AGBL1: variants seen among roughly 807,000 people sequenced by gnomAD.
The protein encoded by AGBL1 is cytosolic carboxypeptidase 4.
In AGBL1, 130 loss-of-function variants were observed where a neutral mutation model predicts 118.9. That is an observed-to-expected ratio of 1.09 (90% CI 0.95 to 1.26). The LOEUF (loss-of-function observed/expected upper bound fraction) is 1.26, where lower values mean the gene tolerates loss of function less well. Among genes scored for constraint, AGBL1 ranks in the 50% most tolerant of loss-of-function variants. The pLI, the probability that AGBL1 is intolerant of heterozygous loss-of-function variation, is 0.00. For missense variants in AGBL1, 1,584 were observed against 1,298.1 expected, an observed-to-expected ratio of 1.22 and a Z score of -3.38; for synonymous variants, 555 against 478.9, an observed-to-expected ratio of 1.16 and a Z score of -2.08.
chr15:86,818,250 C>A (rs1325309879), intron 22 of AGBL1, among the ~76,000 whole-genome samples: 1 of 152,146 alleles, frequency 6.6e-6, no homozygotes, highest in African/African-American at 2.4e-5. Flanking sequence ...TTTGTTACGG[C>A]AGCTCTAGAG....
intron 18 of AGBL1, among the ~76,000 whole-genome samples, chr15:86,441,306 A>G (rs1157330696): frequency 6.6e-6 from 1 of 152,148 alleles, no homozygotes; most frequent in Non-Finnish European, 1.5e-5. Flanking sequence ...TTTAAAAAAA[A>G]TATTGACCTA....
At chr15:86,892,787 C>T (rs35968969) in intron 22 of AGBL1, among the ~76,000 whole-genome samples, 1 of 152,216 alleles carries the variant, frequency 6.6e-6, no homozygotes, top group East Asian at 1.9e-4. Context: ...TATGTCCTTC[C>T]TCTTAAATGT....
At chr15:86,576,909 G>C (rs565094868) in intron 21 of AGBL1, among the ~76,000 whole-genome samples, 1 of 152,154 alleles carries the variant, frequency 6.6e-6, no homozygotes, top group African/African-American at 2.4e-5. Flanking sequence ...TGTGGTAACC[G>C]TAAGTCCAAT....
chr15:86,972,982 G>C (rs536473219), intron 23 of AGBL1, among the ~76,000 whole-genome samples: 1 of 151,858 alleles, frequency 6.6e-6, no homozygotes, highest in African/African-American at 2.4e-5. Context: ...CGGTGGTTAA[G>C]AACAAAGAAT....
chr15:86,586,960 G>C (rs1236631581), intron 21 of AGBL1, among the ~76,000 whole-genome samples: 1 of 152,068 alleles, frequency 6.6e-6, no homozygotes, highest in East Asian at 1.9e-4. Flanking sequence ...GAGCTTTAAG[G>C]GTTTGTGAGG....
chr15:86,331,427 G>C (rs2080267140), intron 17 of AGBL1, among the ~76,000 whole-genome samples: 1 of 151,916 alleles, frequency 6.6e-6, no homozygotes, highest in African/African-American at 2.4e-5. Flanking sequence ...AGAGAGGTAA[G>C]CCTCCAGATA....
In AGBL1 at chr15:86,824,763, G is replaced by A. The variant is rs569761434; in HGVS notation, c.3159-82324G>A. On this transcript the variant is annotated intron_variant, in intron 22 of 22. Transcript: ENST00000614907. The stretch of plus-strand genomic sequence containing the variant: ...ATATAGATCAATAGAACAGAAAAGA[G>A]AATTCAGAACTAGGTCTGGTATGGT... Among the ~76,000 whole-genome samples, 25 of 152,126 alleles carry A rather than the reference G, an allele frequency of 1.6e-4. 1 individual carries two copies. The South Asian group carries it at 5.2e-3, about 32-fold the overall frequency.
chr15:86,394,058 T>A (rs993030055), intron 17 of AGBL1, among the ~76,000 whole-genome samples: 7 of 152,182 alleles, frequency 4.6e-5, no homozygotes, highest in African/African-American at 1.7e-4. Flanking sequence ...TTCAGTTGTT[T>A]ATAAGCCACA....
At chr15:86,700,437 G>A (rs1176935088) in intron 22 of AGBL1, among the ~76,000 whole-genome samples, 3 of 149,482 alleles carry the variant, frequency 2.0e-5, no homozygotes, top group Admixed American at 6.7e-5. Flanking sequence ...AGATGTAGGT[G>A]TTGTTCATGT....
chr15:86,730,618 C>G (rs998834426), intron 22 of AGBL1, among the ~76,000 whole-genome samples: 4 of 152,028 alleles, frequency 2.6e-5, no homozygotes, highest in African/African-American at 9.7e-5. Context: ...TTCCTGGTAG[C>G]CTTGACTATG....
intron 21 of AGBL1, among the ~76,000 whole-genome samples, chr15:86,596,388 G>A (rs1175859684): frequency 6.6e-6 from 1 of 152,092 alleles, no homozygotes; most frequent in African/African-American, 2.4e-5. Flanking sequence ...CCATTCAGAA[G>A]GCTCTTATGT....
intron 18 of AGBL1, among the ~76,000 whole-genome samples, chr15:86,454,545 C>T (rs1353833871): frequency 2.0e-5 from 3 of 152,002 alleles, no homozygotes; most frequent in Non-Finnish European, 4.4e-5. Context: ...CAAATCCATG[C>T]AATGAAATAC....
intron 1 of AGBL1, among the ~76,000 whole-genome samples, chr15:86,107,079 A>G (rs1477808506): frequency 6.6e-6 from 1 of 152,184 alleles, no homozygotes; most frequent in Non-Finnish European, 1.5e-5. Flanking sequence ...AACAGAACAT[A>G]CTGTGGGAAA....
chr15:86,690,759 T>G (rs558101050), intron 22 of AGBL1, among the ~76,000 whole-genome samples: 9 of 152,092 alleles, frequency 5.9e-5, no homozygotes, highest in Non-Finnish European at 1.2e-4. Context: ...AATTTCTGTT[T>G]GGTTGGGTGG....
intron 22 of AGBL1, among the ~76,000 whole-genome samples, chr15:86,856,998 A>C (rs913674886): frequency 1.3e-5 from 2 of 152,136 alleles, no homozygotes; most frequent in Non-Finnish European, 2.9e-5. Context: ...CAGTGGTCCT[A>C]CGTCCCAGCT....
At chr15:86,654,799 G>C (rs1183313966) in intron 21 of AGBL1, among the ~76,000 whole-genome samples, 1 of 152,052 alleles carries the variant, frequency 6.6e-6, no homozygotes, top group East Asian at 1.9e-4. Flanking sequence ...GCCAGCCATG[G>C]AGAAACAAAG....
chr15:86,979,254 A>G (rs1345388199), intron 23 of AGBL1, among the ~76,000 whole-genome samples: 2 of 152,196 alleles, frequency 1.3e-5, no homozygotes, highest in African/African-American at 2.4e-5. Flanking sequence ...CATTATGACA[A>G]TTTGGGAAAT....
At chr15:86,127,164 G>A (rs2076758096) in intron 1 of AGBL1, among the ~76,000 whole-genome samples, 1 of 152,174 alleles carries the variant, frequency 6.6e-6, no homozygotes, top group Non-Finnish European at 1.5e-5. Context: ...TTTGACCTTA[G>A]CTGTTGATGA....
intron 22 of AGBL1, among the ~76,000 whole-genome samples, chr15:86,740,915 C>G (rs775751514): frequency 6.6e-6 from 1 of 152,102 alleles, no homozygotes; most frequent in Non-Finnish European, 1.5e-5. Context: ...GTGAGATCCC[C>G]TCCATCCCTC....
Sources: allele counts gnomAD v4.1 joint callset (sites outside exome capture counted in the v4.1 genomes callset), GRCh38; gene constraint gnomAD v4.1.1; transcripts MANE v1.5; gene names NCBI Gene and HGNC (gene_info 2026-07-23, HGNC 2026-07-21).